The following PTPRG variants were observed in gnomAD, a reference collection of about 807,000 sequenced individuals.
The protein encoded by PTPRG is protein tyrosine phosphatase receptor type G, also known as receptor-type tyrosine-protein phosphatase gamma.
PTPRG carries 102 observed loss-of-function variants against 165.3 expected under a neutral mutation model. That is an observed-to-expected ratio of 0.62 (90% confidence interval 0.53 to 0.73). PTPRG has a LOEUF of 0.73. PTPRG is among the 30% of genes least tolerant of loss of function. The pLI is 0.00. For synonymous variants in PTPRG, 675 were observed against 669.5 expected (o/e 1.01, Z -0.13); for missense variants, 1,866 against 1,861.4 (o/e 1.00, Z -0.05).
At chr3:62,042,260 A>G (rs1322306054) in intron 4 of PTPRG, among the ~76,000 whole-genome samples, 2 of 152,158 alleles carry the variant, frequency 1.3e-5, no homozygotes, top group African/African-American at 2.4e-5. Context: ...CTGGCCTGTC[A>G]TAAAGCCATG....
chr3:62,195,679 G>A lies in PTPRG; in HGVS notation c.1327+509G>A, dbSNP rs1699943575. On this transcript the variant is annotated intron_variant, in intron 10 of 29. Transcript: ENST00000474889. The surrounding 1 kb of genome is among the most constrained non-coding windows in gnomAD (Gnocchi z 4.4). ...CTGATGACTTAGGGACTAATAGAAAGGTCCAGGGCCAGAACTAGGGTGAAG... is the reference window on the plus strand; with the variant it reads ...CTGATGACTTAGGGACTAATAGAAAAGTCCAGGGCCAGAACTAGGGTGAAG... 6.6e-6 allele frequency among the ~76,000 whole-genome samples: 1 copy of A among 152,140 alleles called. No individual in the cohort carries two copies. Among genetic ancestry groups the A allele is most frequent in the Non-Finnish European group, 1.5e-5 (1 of 68,008 alleles).
intron 5 of PTPRG, among the ~76,000 whole-genome samples, chr3:62,090,236 C>A (rs573138301): frequency 6.6e-6 from 1 of 152,264 alleles, no homozygotes; most frequent in Admixed American, 6.5e-5. Context: ...CAGCGTATTC[C>A]CTGGTAGCTT....
chr3:62,289,705 C>CG (rs987655925), intron 28 of PTPRG, among the ~76,000 whole-genome samples: 1 of 140,238 alleles, frequency 7.1e-6, no homozygotes, highest in South Asian at 2.5e-4. Context: ...TGATCCCCCC[C>CG]CCCCAAAAAA....
chr3:62,239,325 ATTC>A (rs1701102344), intron 14 of PTPRG, among the ~76,000 whole-genome samples: 1 of 148,986 alleles, frequency 6.7e-6, no homozygotes. Flanking sequence ...ACTTCGAGAA[ATTC>A]TTTTTTTTCT....
In PTPRG at chr3:62,181,322, C is replaced by G. The variant is rs144868099; in HGVS notation, c.1034-10147C>G. 2.1e-3 allele frequency among the ~76,000 whole-genome samples: 315 copies of G among 152,286 alleles called. 1 individual carries two copies. The highest frequency in any genetic ancestry group is 6.9e-3 in the African/African-American group (286 of 41,572). ...CTCCAGTGCTTCCTAGCTTTGAGACCTAATCTTGGGCCACTCTCCTCCTCA... is the reference window on the plus strand; with the variant it reads ...CTCCAGTGCTTCCTAGCTTTGAGACGTAATCTTGGGCCACTCTCCTCCTCA... On this transcript the variant is annotated intron_variant, in intron 8 of 29. Coordinates refer to ENST00000474889, the MANE Select transcript of PTPRG (RefSeq NM_002841.4).
At chr3:61,727,940 A>G (rs923983482) in intron 1 of PTPRG, among the ~76,000 whole-genome samples, 1 of 152,324 alleles carries the variant, frequency 6.6e-6, no homozygotes, top group Admixed American at 6.5e-5. Context: ...AGGCTGGTCT[A>G]CCTGTTTGTG....
At chr3:62,102,631 T>C (rs1052713598) in intron 5 of PTPRG, among the ~76,000 whole-genome samples, 5 of 152,196 alleles carry the variant, frequency 3.3e-5, no homozygotes, top group African/African-American at 1.2e-4. Context: ...AGTGGGTATT[T>C]CTATAATACT....
intron 2 of PTPRG, among the ~76,000 whole-genome samples, chr3:61,868,295 T>G (rs778002375): frequency 7.2e-5 from 11 of 152,212 alleles, no homozygotes; most frequent in Non-Finnish European, 1.5e-4. Context: ...CTGTTTCATC[T>G]CTGCTTACAA....
chr3:62,184,888 A>AGG (rs61110221), intron 8 of PTPRG, among the ~76,000 whole-genome samples: 4 of 152,236 alleles, frequency 2.6e-5, no homozygotes, highest in African/African-American at 9.6e-5. Context: ...TGAAACTCCG[A>AGG]GGGGGCAGGT....
At chr3:61,988,818 T>C (rs1334079078) in intron 2 of PTPRG, among the ~76,000 whole-genome samples, 1 of 152,206 alleles carries the variant, frequency 6.6e-6, no homozygotes, top group African/African-American at 2.4e-5. Flanking sequence ...TAGAAACTGC[T>C]CCCATAATAT....
chr3:61,947,939 G>A (rs1364723086), intron 2 of PTPRG, among the ~76,000 whole-genome samples: 1 of 152,134 alleles, frequency 6.6e-6, no homozygotes, highest in Non-Finnish European at 1.5e-5. Context: ...GAGGGGAATA[G>A]TTTCTTAAAA....
intron 4 of PTPRG, among the ~76,000 whole-genome samples, chr3:62,014,576 T>C (rs1466314721): frequency 2.0e-5 from 3 of 152,180 alleles, no homozygotes; most frequent in African/African-American, 7.2e-5. Flanking sequence ...TTTCTAAAAT[T>C]CAGTATTTCA....
At chr3:61,836,059 C>G (rs142298149) in intron 2 of PTPRG, among the ~76,000 whole-genome samples, 1 of 68,890 alleles carries the variant, frequency 1.5e-5, no homozygotes, top group African/African-American at 5.5e-5. Flanking sequence ...CGCCCCCCCC[C>G]ACCAAAAAAA....
At chr3:62,047,649 T>C (rs1339321564) in intron 4 of PTPRG, among the ~76,000 whole-genome samples, 1 of 152,220 alleles carries the variant, frequency 6.6e-6, no homozygotes, top group Non-Finnish European at 1.5e-5. Flanking sequence ...GTAAGTTCTC[T>C]AACCCATTCA....
intron 4 of PTPRG, among the ~76,000 whole-genome samples, chr3:62,003,826 G>T (rs1298172694): frequency 6.6e-6 from 1 of 152,182 alleles, no homozygotes; most frequent in East Asian, 1.9e-4. Flanking sequence ...ACGAAACTGG[G>T]TTGACTTCAT....
intron 8 of PTPRG, among the ~76,000 whole-genome samples, chr3:62,191,067 A>C (rs1008034829): frequency 1.3e-5 from 2 of 152,126 alleles, no homozygotes; most frequent in African/African-American, 4.8e-5. Flanking sequence ...GTGTGTGCGC[A>C]TGTGCATCTG....
Position 62,025,785 on chromosome 3 carries a change from A to G in PTPRG, c.519+22288A>G, listed in dbSNP as rs529241541. Among the ~76,000 whole-genome samples, 8 of 152,352 alleles carry G rather than the reference A, an allele frequency of 5.3e-5. No individual in the cohort carries two copies. In the South Asian group the frequency reaches 8.3e-4, roughly 16 times the overall value. On this transcript the variant is annotated intron_variant, in intron 4 of 29. Transcript: ENST00000474889. Reference sequence around the variant, plus strand: ...AAAAAATTGTTTAAGTAGGCTCTGTATAGTCTTCAGTGATGACCTAACTAA... The same window carrying G: ...AAAAAATTGTTTAAGTAGGCTCTGTGTAGTCTTCAGTGATGACCTAACTAA...
At chr3:61,991,250 G>A (rs2040882411) in intron 3 of PTPRG, among the ~76,000 whole-genome samples, 1 of 152,130 alleles carries the variant, frequency 6.6e-6, no homozygotes. Context: ...CTGTTGCCCG[G>A]GCTGGAGTGC....
At chr3:61,587,026 G>A (rs1225578812) in intron 1 of PTPRG, among the ~76,000 whole-genome samples, 1 of 151,928 alleles carries the variant, frequency 6.6e-6, no homozygotes, top group African/African-American at 2.4e-5. Flanking sequence ...ACGGGGGATG[G>A]GGGTAGTGTT....
Sources: allele counts gnomAD v4.1 joint callset (sites outside exome capture counted in the v4.1 genomes callset), GRCh38; gene constraint gnomAD v4.1.1; non-coding constraint Gnocchi (gnomAD v3.1); transcripts MANE v1.5; gene names NCBI Gene and HGNC (gene_info 2026-07-23, HGNC 2026-07-21).